DNAH9: variants seen among roughly 807,000 people sequenced by gnomAD.
DNAH9 encodes dynein axonemal heavy chain 9.
In DNAH9, 345 loss-of-function variants were observed where a neutral mutation model predicts 471.6. The ratio of observed to expected loss-of-function variants is 0.73; its 90% CI spans 0.67 to 0.80. The LOEUF is 0.80. Ranked by LOEUF, DNAH9 falls within the 30% of genes least tolerant of loss-of-function variation. DNAH9 has a pLI of 0.00. For missense variants in DNAH9, 5,407 were observed against 5,609.2 expected, an observed-to-expected ratio of 0.96 and a Z score of 1.15; for synonymous variants, 2,093 against 2,123.6, an observed-to-expected ratio of 0.99 and a Z score of 0.40.
At chr17:11,742,838 G>T (rs945567392) in intron 30 of DNAH9, among the ~76,000 whole-genome samples, 1 of 152,146 alleles carries the variant, frequency 6.6e-6, no homozygotes, top group African/African-American at 2.4e-5. Flanking sequence ...AGCTTCCCTG[G>T]GCTGTCCCCA....
In DNAH9 at chr17:11,869,146, A is replaced by T. The variant is rs745990207; in HGVS notation, c.9946A>T (p.Asn3316Tyr). Residue 3316 changes from asparagine to tyrosine, a missense_variant, in exon 51 of 69, where the codon AAC becomes TAC. Asn to Tyr is a moderately radical substitution (Grantham distance 143, BLOSUM62 -2). Coordinates refer to ENST00000262442, the MANE Select transcript of DNAH9 (RefSeq NM_001372.4). The part of the protein sequence containing the change: ...IKAKIAHLNE[N>Y]LAKLTARFEK... Reference sequence around the variant, plus strand: ...CCTTCCTAAACAGCACCTTAATGAAAACCTGGCAAAGCTCACAGCCAGGTT... The same window carrying T: ...CCTTCCTAAACAGCACCTTAATGAATACCTGGCAAAGCTCACAGCCAGGTT... 4.3e-6 allele frequency: 7 copies of T among 1,613,638 alleles called. No individual in the cohort carries two copies. Among genetic ancestry groups the T allele is most frequent in the Non-Finnish European group, 5.9e-6 (7 of 1,179,726 alleles).
At chr17:11,750,382 A>G (rs1300053258) in intron 32 of DNAH9, among the ~76,000 whole-genome samples, 2 of 152,186 alleles carry the variant, frequency 1.3e-5, no homozygotes, top group Non-Finnish European at 2.9e-5. Flanking sequence ...ATTCCAGTAA[A>G]CAGAAAAATA....
At chr17:11,786,553 C>A (rs1968876982) in intron 41 of DNAH9, among the ~76,000 whole-genome samples, 1 of 152,176 alleles carries the variant, frequency 6.6e-6, no homozygotes, top group African/African-American at 2.4e-5. Flanking sequence ...ATCCTCACAA[C>A]AACCCTAGAA....
chr17:11,899,629 T>C (rs1973337687), intron 59 of DNAH9, among the ~76,000 whole-genome samples: 1 of 152,224 alleles, frequency 6.6e-6, no homozygotes, highest in South Asian at 2.1e-4. Flanking sequence ...CTGGGAGCAC[T>C]GATCACAGTG....
At chr17:11,829,923 T>C (rs1417173812) in intron 48 of DNAH9, among the ~76,000 whole-genome samples, 1 of 152,268 alleles carries the variant, frequency 6.6e-6, no homozygotes, top group African/African-American at 2.4e-5. Flanking sequence ...CATTGCATTG[T>C]GACATAGTCA....
intron 59 of DNAH9, among the ~76,000 whole-genome samples, chr17:11,896,722 G>A (rs903995300): frequency 7.2e-5 from 11 of 152,250 alleles, no homozygotes; most frequent in East Asian, 3.9e-4. Context: ...AAGTAGCACC[G>A]TCCAAAAGAA....
chr17:11,803,381 T>G (rs186891072), intron 43 of DNAH9, among the ~76,000 whole-genome samples: 8,581 of 136,638 alleles, frequency 0.063, 287 homozygotes, highest in African/African-American at 0.12. Flanking sequence ...TCTCTAGGGG[T>G]GTGTGTGTGT....
chr17:11,704,108 C>T (rs2074653456), intron 24 of DNAH9, 95 bp from the exon 25 acceptor site: 3 of 1,404,750 alleles, frequency 2.1e-6, no homozygotes, highest in Non-Finnish European at 3.0e-6. Flanking sequence ...TCATGTCACC[C>T]ACACAATTAC....
chr17:11,633,819 G>A (rs1215108843), intron 8 of DNAH9, among the ~76,000 whole-genome samples: 5 of 152,198 alleles, frequency 3.3e-5, no homozygotes, highest in Non-Finnish European at 7.3e-5. Flanking sequence ...GAGATGTTCA[G>A]GAGTCTTCAA....
chr17:11,631,612 G>A (rs1343320251), intron 7 of DNAH9, among the ~76,000 whole-genome samples: 4 of 149,080 alleles, frequency 2.7e-5, no homozygotes. Context: ...CTGCACTCCA[G>A]CCTGGGTGAC....
chr17:11,713,731 C>A (rs1440542898), intron 26 of DNAH9, among the ~76,000 whole-genome samples: 1 of 152,090 alleles, frequency 6.6e-6, no homozygotes, highest in African/African-American at 2.4e-5. Flanking sequence ...GATTTTTGTA[C>A]AATATATTTA....
chr17:11,733,936 T>C (rs1368086037), intron 28 of DNAH9, among the ~76,000 whole-genome samples: 2 of 149,782 alleles, frequency 1.3e-5, no homozygotes, highest in Non-Finnish European at 1.5e-5. Context: ...CCATCAAAGA[T>C]GTGCAATTGC....
At chr17:11,757,508 T>C (rs753669394) in intron 34 of DNAH9, 37 bp from the exon 35 acceptor site, 18 of 1,571,156 alleles carry the variant, frequency 1.1e-5, no homozygotes, top group South Asian at 2.3e-5. Context: ...ATGATGTATA[T>C]GGAATATTCA....
intron 38 of DNAH9, among the ~76,000 whole-genome samples, chr17:11,780,015 ACAGGAAGTGTTGGTTCTT>A (rs1311876851): frequency 6.6e-6 from 1 of 152,198 alleles, no homozygotes; most frequent in African/African-American, 2.4e-5. Flanking sequence ...TCCAGCTGTA[ACAGGAAGTGTTGGTTCTT>A]GCAATTCATA....
chr17:11,730,779 G>GA, intron 28 of DNAH9, among the ~76,000 whole-genome samples: 1 of 151,684 alleles, frequency 6.6e-6, no homozygotes, highest in Non-Finnish European at 1.5e-5. Context: ...TGATGATGAT[G>GA]TTAATGGTGA....
At chr17:11,774,323 A>G (rs1186081214) in intron 38 of DNAH9, among the ~76,000 whole-genome samples, 1 of 151,840 alleles carries the variant, frequency 6.6e-6, no homozygotes, top group African/African-American at 2.4e-5. Context: ...TAAATTTGCC[A>G]TACTATACCT....
intron 7 of DNAH9, chr17:11,630,447 C>A (rs2073045563): frequency 6.6e-6 from 1 of 152,224 alleles, no homozygotes; most frequent in Non-Finnish European, 1.5e-5. Flanking sequence ...AACAAACAAA[C>A]AAAAAACTGT....
At chr17:11,847,022 C>A (rs1317793932) in intron 49 of DNAH9, among the ~76,000 whole-genome samples, 1 of 151,924 alleles carries the variant, frequency 6.6e-6, no homozygotes, top group African/African-American at 2.4e-5. Flanking sequence ...ATTGCCCTGG[C>A]CAGAACTTCC....
At chr17:11,836,147 A>T (rs756323927) in intron 49 of DNAH9, among the ~76,000 whole-genome samples, 1 of 152,148 alleles carries the variant, frequency 6.6e-6, no homozygotes, top group African/African-American at 2.4e-5. Flanking sequence ...TCCTCATGGA[A>T]GTTTCCTCTT....
Sources: gnomAD v4.1 joint callset for allele counts (sites outside exome capture counted in the v4.1 genomes callset) on GRCh38, gnomAD v4.1.1 for gene constraint, MANE v1.5 for transcripts, NCBI Gene and HGNC (gene_info 2026-07-23, HGNC 2026-07-21) for gene names.